The following TENM3 variants were observed in gnomAD, a reference collection of about 807,000 sequenced individuals.
TENM3 encodes teneurin-3.
A neutral mutation model predicts 255.1 loss-of-function variants in TENM3; 63 were observed. The ratio of observed to expected loss-of-function variants is 0.25; its 90% CI spans 0.20 to 0.30. The LOEUF is 0.30. Ranked by LOEUF, TENM3 falls within the 10% of genes least tolerant of loss-of-function variation. The probability of loss-of-function intolerance (pLI) is 1.00; values close to 1 mark genes in which losing one functional copy is unlikely to be tolerated. For missense variants in TENM3, 2,929 were observed against 3,461.1 expected (o/e 0.85, Z 3.86); for synonymous variants, 1,306 against 1,322.3 (o/e 0.99, Z 0.27).
the TENM3 span, among the ~76,000 whole-genome samples, chr4:181,551,031 A>G: frequency 6.6e-6 from 1 of 152,216 alleles, no homozygotes; most frequent in African/African-American, 2.4e-5. Context: ...GCATATATTG[A>G]TAAAGTGAAG....
intron 16 of TENM3, among the ~76,000 whole-genome samples, chr4:182,733,848 T>A (rs76927896): frequency 0.061 from 9,278 of 152,220 alleles, 468 homozygotes; most frequent in South Asian, 0.14. Context: ...TCGTAGTCAG[T>A]CCTAAAATAG....
chr4:181,656,783 C>G, the TENM3 span, among the ~76,000 whole-genome samples: 1 of 152,102 alleles, frequency 6.6e-6, no homozygotes, highest in Non-Finnish European at 1.5e-5. Context: ...GTTGCCAGGA[C>G]AGAAACATCT....
In TENM3 at chr4:182,789,517, A is replaced by G; in HGVS notation, c.5601+128A>G. On this transcript the variant is annotated intron_variant, in intron 25 of 27. Transcript: ENST00000511685. The surrounding 1 kb of genome is among the most constrained non-coding windows in gnomAD (Gnocchi z 4.4). Reference sequence around the variant, plus strand: ...GTTCCATTTGTTATTCGAAGTATCAATACGGAAGTCACATTGGCACAGCAG... The same window carrying G: ...GTTCCATTTGTTATTCGAAGTATCAGTACGGAAGTCACATTGGCACAGCAG... 3 of 911,430 alleles carry G rather than the reference A, an allele frequency of 3.3e-6. No individual in the cohort carries two copies. Among genetic ancestry groups the G allele is most frequent in the Non-Finnish European group, 4.9e-6 (3 of 611,164 alleles). 56.5% of individuals were successfully genotyped at this position (911,430 alleles called of 1,614,324 possible).
At chr4:181,957,256 A>T in the TENM3 span, among the ~76,000 whole-genome samples, 1 of 152,188 alleles carries the variant, frequency 6.6e-6, no homozygotes, top group South Asian at 2.1e-4. Flanking sequence ...TACTGTGTAC[A>T]ATGGGTTTTG....
the TENM3 span, among the ~76,000 whole-genome samples, chr4:182,081,141 C>T: frequency 2.0e-5 from 3 of 152,120 alleles, no homozygotes; most frequent in Non-Finnish European, 2.9e-5. Flanking sequence ...GAAAAAAATG[C>T]TTACAAATTG....
At chr4:181,973,846 G>C in the TENM3 span, among the ~76,000 whole-genome samples, 10 of 152,288 alleles carry the variant, frequency 6.6e-5, no homozygotes, top group Middle Eastern at 3.4e-3. Flanking sequence ...TTAAGCAAAG[G>C]CTTGAAGGAG....
the TENM3 span, among the ~76,000 whole-genome samples, chr4:181,493,507 G>C: frequency 6.6e-6 from 1 of 152,076 alleles, no homozygotes; most frequent in South Asian, 2.1e-4. Flanking sequence ...GAGGCAGGTG[G>C]ATCACCTGAG....
At chr4:181,955,221 T>G in the TENM3 span, among the ~76,000 whole-genome samples, 3 of 152,198 alleles carry the variant, frequency 2.0e-5, no homozygotes, top group African/African-American at 7.2e-5. Flanking sequence ...TCTTATTACA[T>G]TTTCAGATAA....
the TENM3 span, among the ~76,000 whole-genome samples, chr4:181,907,459 G>GCA: frequency 6.6e-6 from 1 of 152,160 alleles, no homozygotes; most frequent in East Asian, 1.9e-4. Context: ...ACACAGACAA[G>GCA]CACTAGAGAC....
the TENM3 span, among the ~76,000 whole-genome samples, chr4:181,709,992 G>T: frequency 6.6e-6 from 1 of 152,070 alleles, no homozygotes; most frequent in Non-Finnish European, 1.5e-5. Context: ...AATTTACTCT[G>T]GACACATTAA....
chr4:182,233,096 A>G lies in TENM3; in HGVS notation c.-76+88342A>G, dbSNP rs111691727. 1.7e-3 allele frequency among the ~76,000 whole-genome samples: 253 copies of G among 152,314 alleles called. 1 individual carries two copies. Among genetic ancestry groups the G allele is most frequent in the African/African-American group, 5.8e-3 (243 of 41,584 alleles). On this transcript the variant is annotated intron_variant, in intron 1 of 2. Transcript: ENST00000512480. ...AGAAGTGCACAGGAGAGGGGTCTCC[A>G]GGCTTCCAGATCACCCAGAAGCCGC...
the TENM3 span, among the ~76,000 whole-genome samples, chr4:182,055,019 C>A: frequency 6.6e-6 from 1 of 152,128 alleles, no homozygotes; most frequent in Admixed American, 6.5e-5. Flanking sequence ...CACACTGGCT[C>A]CCAGTTGGAA....
At chr4:182,708,547 C>T (rs1213555027) in intron 12 of TENM3, among the ~76,000 whole-genome samples, 1 of 152,178 alleles carries the variant, frequency 6.6e-6, no homozygotes, top group Non-Finnish European at 1.5e-5. Context: ...CGCCTGTAAT[C>T]CCAGCACTTT....
intron 4 of TENM3, among the ~76,000 whole-genome samples, chr4:182,615,341 C>G (rs1749401415): frequency 6.6e-6 from 1 of 151,956 alleles, no homozygotes; most frequent in African/African-American, 2.4e-5. Context: ...AGAACTAGTA[C>G]TCTCTCTGCG....
At chr4:182,205,652 C>T (rs897910599) in intron 1 of TENM3, among the ~76,000 whole-genome samples, 1 of 152,254 alleles carries the variant, frequency 6.6e-6, no homozygotes, top group African/African-American at 2.4e-5. Context: ...GCTCATTGTG[C>T]CCTTGGCACA....
the TENM3 span, among the ~76,000 whole-genome samples, chr4:181,469,137 G>T: frequency 6.6e-6 from 1 of 152,200 alleles, no homozygotes; most frequent in East Asian, 1.9e-4. Flanking sequence ...TTTTCTACTG[G>T]GTTGCTCTGG....
At position 182,243,772 on chromosome 4, in the gene TENM3, A is replaced by T. The variant is rs76823558; in HGVS notation, c.-76+296A>T. ...TTTTATAAGTAAAATTCATAGTCAC[A>T]TCAGCGAAATAATTTTAAATGTATG... On this transcript the variant is annotated intron_variant, in intron 1 of 27. Transcript: ENST00000511685. Among the ~76,000 whole-genome samples, 566 of 152,212 alleles carry T rather than the reference A, an allele frequency of 3.7e-3. 1 individual carries two copies. The highest frequency in any genetic ancestry group is 0.013 in the African/African-American group (537 of 41,524).
intron 18 of TENM3, among the ~76,000 whole-genome samples, chr4:182,740,454 G>T (rs1280305268): frequency 6.6e-6 from 1 of 152,232 alleles, no homozygotes; most frequent in Non-Finnish European, 1.5e-5. Context: ...TGCTCTTGAT[G>T]AAATTGTGTA....
At chr4:182,079,603 G>A in the TENM3 span, 6 of 152,202 alleles carry the variant, frequency 3.9e-5, no homozygotes, top group Admixed American at 3.3e-4. Context: ...TCAGAGAGAT[G>A]TTTAGCTGAA....
Sources: gnomAD v4.1 joint callset for allele counts (sites outside exome capture counted in the v4.1 genomes callset) on GRCh38, gnomAD v4.1.1 for gene constraint, Gnocchi (gnomAD v3.1) non-coding constraint, MANE v1.5 for transcripts, NCBI Gene and HGNC (gene_info 2026-07-23, HGNC 2026-07-21) for gene names.